The following SNX29 variants were observed in gnomAD, a reference collection of about 807,000 sequenced individuals.
SNX29 encodes sorting nexin-29.
Under a neutral mutation model 102.1 loss-of-function variants are expected in SNX29, and 78 were observed. That is an observed-to-expected ratio of 0.76 (90% CI 0.64 to 0.92). The LOEUF (loss-of-function observed/expected upper bound fraction) is 0.92, where lower values mean the gene tolerates loss of function less well. Ranked by LOEUF, SNX29 falls within the 40% of genes least tolerant of loss-of-function variation. The pLI is 0.00. For synonymous variants in SNX29, 580 were observed against 414.5 expected, an observed-to-expected ratio of 1.40 and a Z score of -4.85; for missense variants, 1,280 against 1,061.7, an observed-to-expected ratio of 1.21 and a Z score of -2.86.
At chr16:12,272,898 G>C (rs982814474) in intron 14 of SNX29, among the ~76,000 whole-genome samples, 6 of 152,170 alleles carry the variant, frequency 3.9e-5, no homozygotes, top group African/African-American at 7.2e-5. Flanking sequence ...AAGGGTAACT[G>C]TCTTTGACTG....
chr16:12,055,094 G>T (rs1352899545), intron 8 of SNX29, among the ~76,000 whole-genome samples: 1 of 152,140 alleles, frequency 6.6e-6, no homozygotes, highest in South Asian at 2.1e-4. Flanking sequence ...AACAGAACCA[G>T]TGTGGTGGGG....
intron 18 of SNX29, among the ~76,000 whole-genome samples, chr16:12,405,717 G>C (rs1319649305): frequency 6.6e-6 from 1 of 152,152 alleles, no homozygotes; most frequent in Admixed American, 6.6e-5. Context: ...TGGTACTGTT[G>C]AAGAGTACTT....
intron 18 of SNX29, among the ~76,000 whole-genome samples, chr16:12,435,734 G>C (rs962167982): frequency 6.6e-6 from 1 of 152,196 alleles, no homozygotes; most frequent in Non-Finnish European, 1.5e-5. Context: ...GCCCCAGCTG[G>C]AATGTTGTTA....
chr16:12,233,445 G>C (rs908455555), intron 14 of SNX29, among the ~76,000 whole-genome samples: 1 of 152,016 alleles, frequency 6.6e-6, no homozygotes, highest in African/African-American at 2.4e-5. Context: ...AAGAAGGGGA[G>C]GAAGGGAGGA....
chr16:12,358,572 C>T (rs1317008044), intron 16 of SNX29, among the ~76,000 whole-genome samples: 4 of 152,136 alleles, frequency 2.6e-5, no homozygotes, highest in African/African-American at 9.7e-5. Context: ...TCTAATCTTC[C>T]CCTGCTATCC....
intron 13 of SNX29, among the ~76,000 whole-genome samples, chr16:12,136,350 A>AAGC (rs1170182457): frequency 6.6e-6 from 1 of 152,186 alleles, no homozygotes; most frequent in Non-Finnish European, 1.5e-5. Context: ...TTACCTAGGG[A>AAGC]AGCAGCACAG....
At chr16:12,495,737 G>A (rs1408792267) in intron 19 of SNX29, among the ~76,000 whole-genome samples, 3 of 152,182 alleles carry the variant, frequency 2.0e-5, no homozygotes, top group African/African-American at 7.2e-5. Context: ...GGAGTCTCCT[G>A]TGAGGGGAAT....
chr16:12,245,166 G>C (rs920534508), intron 14 of SNX29, among the ~76,000 whole-genome samples: 2 of 152,108 alleles, frequency 1.3e-5, no homozygotes, highest in Non-Finnish European at 2.9e-5. Flanking sequence ...TAGTGGTTGA[G>C]AGCATATGCT....
At chr16:12,235,897 G>C (rs1169296570) in intron 14 of SNX29, among the ~76,000 whole-genome samples, 1 of 152,070 alleles carries the variant, frequency 6.6e-6, no homozygotes, top group Admixed American at 6.6e-5. Flanking sequence ...TTAGGAAACT[G>C]AATGGTAACA....
chr16:12,398,581 G>C (rs747590098), intron 17 of SNX29, 80 bp downstream of exon 17: 12 of 1,511,622 alleles, frequency 7.9e-6, no homozygotes, highest in African/African-American at 2.7e-5. Flanking sequence ...AAGACCACAG[G>C]GGGAAACAGA....
intron 13 of SNX29, among the ~76,000 whole-genome samples, chr16:12,172,156 A>T (rs369368068): frequency 2.6e-5 from 4 of 152,194 alleles, no homozygotes; most frequent in Admixed American, 2.6e-4. Flanking sequence ...ATGAAATGCA[A>T]ATCGGTACCT....
At chr16:12,282,106 A>AAAAAAC (rs2079452819) in intron 15 of SNX29, among the ~76,000 whole-genome samples, 1 of 151,340 alleles carries the variant, frequency 6.6e-6, no homozygotes. Context: ...AAAAAAAAAA[A>AAAAAAC]AATGCAGAGC....
At chr16:12,520,026 A>T (rs146736748) in intron 19 of SNX29, among the ~76,000 whole-genome samples, 334 of 151,750 alleles carry the variant, frequency 2.2e-3, no homozygotes, top group African/African-American at 5.0e-3. Context: ...ATAATAATAA[A>T]AAAGTAAGAA....
Position 12,129,622 on chromosome 16 carries a change from C to G in SNX29, c.1467-8C>G, listed in dbSNP as rs1275285101. 1 of 1,605,846 alleles carries G rather than the reference C, an allele frequency of 6.2e-7. No individual in the cohort carries two copies. The highest frequency in any genetic ancestry group is 2.3e-4 in the Middle Eastern group (1 of 4,426). On this transcript the variant is annotated splice_polypyrimidine_tract_variant and splice_region_variant and intron_variant, in intron 12 of 20. Transcript: ENST00000566228. ...AGCTTCTGAACAGATGGGTCCCTCT[C>G]TTCCCAGATCACTGCGAAACCTGCT...
chr16:12,013,770 G>A (rs1039762741), intron 3 of SNX29, among the ~76,000 whole-genome samples: 5 of 150,620 alleles, frequency 3.3e-5, no homozygotes, highest in Non-Finnish European at 7.4e-5. Flanking sequence ...TCAGCCTCCC[G>A]AGTAGCTGGG....
chr16:11,987,151 A>G (rs1026127951), intron 1 of SNX29, among the ~76,000 whole-genome samples: 1 of 149,914 alleles, frequency 6.7e-6, no homozygotes, highest in Non-Finnish European at 1.5e-5. Flanking sequence ...TGCAGCCTCA[A>G]CCTCCTGGGC....
intron 17 of SNX29, among the ~76,000 whole-genome samples, chr16:12,403,029 C>T (rs2084009945): frequency 6.6e-6 from 1 of 152,144 alleles, no homozygotes; most frequent in African/African-American, 2.4e-5. Flanking sequence ...CTGGGTGCTC[C>T]AGAAACGCTG....
chr16:12,561,489 C>G (rs988213505), intron 20 of SNX29, among the ~76,000 whole-genome samples: 1 of 152,130 alleles, frequency 6.6e-6, no homozygotes, highest in Non-Finnish European at 1.5e-5. Context: ...GACCGGCTCG[C>G]CAGACCCAGA....
intron 3 of SNX29, among the ~76,000 whole-genome samples, chr16:12,019,621 T>TAGAC (rs1555520346): frequency 6.6e-6 from 1 of 150,946 alleles, no homozygotes; most frequent in Non-Finnish European, 1.5e-5. Context: ...GATAGATAGA[T>TAGAC]AGATATAGAT....
Sources: allele counts gnomAD v4.1 joint callset (sites outside exome capture counted in the v4.1 genomes callset), GRCh38; gene constraint gnomAD v4.1.1; transcripts MANE v1.5; gene names NCBI Gene and HGNC (gene_info 2026-07-23, HGNC 2026-07-21).